The following CCDC91 variants were observed in gnomAD, a reference collection of about 807,000 sequenced individuals.
CCDC91 encodes coiled-coil domain-containing protein 91.
Under a neutral mutation model 63.2 loss-of-function variants are expected in CCDC91, and 48 were observed. That is an observed-to-expected ratio of 0.76 (90% CI 0.60 to 0.97). CCDC91 has a LOEUF of 0.97. Among genes scored for constraint, CCDC91 ranks in the 50% least tolerant of loss-of-function variants. The pLI, the probability that CCDC91 is intolerant of heterozygous loss-of-function variation, is 0.00. For synonymous variants in CCDC91, 167 were observed against 165.8 expected, an observed-to-expected ratio of 1.01 and a Z score of -0.06; for missense variants, 500 against 494.6, an observed-to-expected ratio of 1.01 and a Z score of -0.10.
chr12:28,473,956 TGTA>T (rs768681561), intron 11 of CCDC91, among the ~76,000 whole-genome samples: 15 of 146,776 alleles, frequency 1.0e-4, no homozygotes, highest in East Asian at 5.8e-4. Flanking sequence ...TAATTTTAGT[TGTA>T]GTGTGCATGT....
chr12:28,219,865 CATT>C (rs1279593779), intron 1 of CCDC91, among the ~76,000 whole-genome samples: 2 of 152,072 alleles, frequency 1.3e-5, no homozygotes, highest in Non-Finnish European at 2.9e-5. Flanking sequence ...ATTTATCTGT[CATT>C]ATGAAATTTC....
rs545105801 is a variant in CCDC91, at chr12:28,422,692, A to C, written c.763-27469A>C. 3.3e-5 allele frequency among the ~76,000 whole-genome samples: 5 copies of C among 152,282 alleles called. No homozygotes were observed. The East Asian group carries it at 9.6e-4, about 29-fold the overall frequency. ...TTATTCTCCACATACAGTGAATTTA[A>C]GAGTTATTACAAAGTGACATTTTAA... On this transcript the variant is annotated intron_variant, in intron 8 of 12. Coordinates refer to ENST00000536442, the MANE Select transcript of CCDC91 (RefSeq NM_018318.5).
At chr12:28,359,096 A>T (rs1273492203) in intron 6 of CCDC91, among the ~76,000 whole-genome samples, 4 of 152,106 alleles carry the variant, frequency 2.6e-5, no homozygotes, top group Middle Eastern at 3.2e-3. Context: ...GGGTTTCACT[A>T]TGTTGGCTAG....
intron 12 of CCDC91, among the ~76,000 whole-genome samples, chr12:28,522,857 G>T (rs1392022303): frequency 6.6e-6 from 1 of 152,178 alleles, no homozygotes; most frequent in Non-Finnish European, 1.5e-5. Flanking sequence ...GGAGCAGGTT[G>T]TTCAGTTTCC....
chr12:28,230,576 ACT>A (rs1944526173), intron 1 of CCDC91, among the ~76,000 whole-genome samples: 1 of 152,164 alleles, frequency 6.6e-6, no homozygotes, highest in Non-Finnish European at 1.5e-5. Context: ...TATGAGATAT[ACT>A]GTTATTAAAC....
rs569980728 is a variant in CCDC91, at chr12:28,522,747, G to T, written c.1216-26316G>T. ...TTTCCATCTACACACTGCTTTCAATGTGTCCCAGAAATTCTGGTATGTTGT... is the reference window on the plus strand; with the variant it reads ...TTTCCATCTACACACTGCTTTCAATTTGTCCCAGAAATTCTGGTATGTTGT... On this transcript the variant is annotated intron_variant, in intron 12 of 12. Coordinates refer to ENST00000536442, the MANE Select transcript of CCDC91 (RefSeq NM_018318.5). Among the ~76,000 whole-genome samples, 19 of 152,280 alleles carry T rather than the reference G, an allele frequency of 1.2e-4. 1 individual carries two copies. The highest frequency in any genetic ancestry group is 4.6e-4 in the African/African-American group (19 of 41,562).
chr12:28,215,087 G>A (rs1294785748), intron 1 of CCDC91, among the ~76,000 whole-genome samples: 1 of 152,194 alleles, frequency 6.6e-6, no homozygotes, highest in Non-Finnish European at 1.5e-5. Flanking sequence ...GAATGAAACA[G>A]TTGTATAATA....
intron 1 of CCDC91, among the ~76,000 whole-genome samples, chr12:28,207,671 G>A (rs1458828654): frequency 6.6e-6 from 1 of 152,078 alleles, no homozygotes; most frequent in South Asian, 2.1e-4. Context: ...AATATGGAAT[G>A]GAACATTGGT....
intron 11 of CCDC91, among the ~76,000 whole-genome samples, chr12:28,459,975 C>T (rs1950228720): frequency 6.6e-6 from 1 of 152,078 alleles, no homozygotes; most frequent in African/African-American, 2.4e-5. Context: ...GGAAATTTAA[C>T]CTACTTTCTA....
At chr12:28,374,082 C>A (rs1944793526) in intron 7 of CCDC91, among the ~76,000 whole-genome samples, 1 of 152,104 alleles carries the variant, frequency 6.6e-6, no homozygotes, top group Non-Finnish European at 1.5e-5. Context: ...AACTAATACA[C>A]CCTACTTAAC....
chr12:28,529,665 A>G (rs1457858125), intron 12 of CCDC91, among the ~76,000 whole-genome samples: 2 of 152,124 alleles, frequency 1.3e-5, no homozygotes, highest in Admixed American at 6.6e-5. Flanking sequence ...ACAAGGGCAT[A>G]TTTTTCAGTG....
At chr12:28,290,793 A>T (rs1031564067) in intron 3 of CCDC91, among the ~76,000 whole-genome samples, 15 of 145,578 alleles carry the variant, frequency 1.0e-4, no homozygotes, top group African/African-American at 3.5e-4. Flanking sequence ...TACCTTAAAG[A>T]TTAGTTTGTG....
chr12:28,542,468 G>T (rs1942696902), intron 12 of CCDC91, among the ~76,000 whole-genome samples: 1 of 151,986 alleles, frequency 6.6e-6, no homozygotes, highest in African/African-American at 2.4e-5. Context: ...CTAAAGTCAA[G>T]AAGTATTCTC....
intron 12 of CCDC91, among the ~76,000 whole-genome samples, chr12:28,534,062 C>T (rs1941960356): frequency 6.6e-6 from 1 of 151,978 alleles, no homozygotes; most frequent in South Asian, 2.1e-4. Flanking sequence ...ATTAAATCTT[C>T]ATCTTCTATC....
At chr12:28,205,286 T>A (rs778676505) in intron 1 of CCDC91, among the ~76,000 whole-genome samples, 1 of 151,926 alleles carries the variant, frequency 6.6e-6, no homozygotes, top group East Asian at 1.9e-4. Flanking sequence ...ATTGAGTGGA[T>A]TAAAGTCTAT....
At chr12:28,210,661 C>T (rs1401921208) in intron 1 of CCDC91, among the ~76,000 whole-genome samples, 2 of 151,998 alleles carry the variant, frequency 1.3e-5, no homozygotes, top group Admixed American at 6.6e-5. Context: ...AATAAAAGTT[C>T]TTATAAATTT....
intron 12 of CCDC91, among the ~76,000 whole-genome samples, chr12:28,519,991 G>C (rs568384372): frequency 1.3e-5 from 2 of 152,122 alleles, no homozygotes; most frequent in South Asian, 4.1e-4. Flanking sequence ...ATTTGGGTTG[G>C]TTCCAAGTCT....
At chr12:28,421,447 G>A (rs1948003620) in intron 8 of CCDC91, among the ~76,000 whole-genome samples, 1 of 151,972 alleles carries the variant, frequency 6.6e-6, no homozygotes, top group Non-Finnish European at 1.5e-5. Flanking sequence ...ACTTAGAAGT[G>A]AGGGCATGTA....
rs536080626 is a variant in CCDC91, at chr12:28,427,439, A to G, written c.763-22722A>G. Among the ~76,000 whole-genome samples, 3 of 152,188 alleles carry G rather than the reference A, an allele frequency of 2.0e-5. No homozygotes were observed. The East Asian group carries it at 5.8e-4, about 29-fold the overall frequency. On this transcript the variant is annotated intron_variant, in intron 8 of 12. Coordinates refer to ENST00000536442, the MANE Select transcript of CCDC91 (RefSeq NM_018318.5). Reference sequence around the variant, plus strand: ...TGCATTACAGGGAGATACTGATGGGATTCCTGGAGGGAAGACCCATGAAAG... The same window carrying G: ...TGCATTACAGGGAGATACTGATGGGGTTCCTGGAGGGAAGACCCATGAAAG...
Sources: allele counts gnomAD v4.1 joint callset (sites outside exome capture counted in the v4.1 genomes callset), GRCh38; gene constraint gnomAD v4.1.1; transcripts MANE v1.5; gene names NCBI Gene and HGNC (gene_info 2026-07-23, HGNC 2026-07-21).